CALN1: variants seen among roughly 807,000 people sequenced by gnomAD.
CALN1 encodes calneuron 1.
In CALN1, 17 loss-of-function variants were observed where a neutral mutation model predicts 30.6. The ratio of observed to expected loss-of-function variants is 0.56; its 90% CI spans 0.38 to 0.83. CALN1 has a LOEUF of 0.83. Among genes scored for constraint, CALN1 ranks in the 40% least tolerant of loss-of-function variants. The pLI is 0.00. For synonymous variants in CALN1, 156 were observed against 131.4 expected, an observed-to-expected ratio of 1.19 and a Z score of -1.28; for missense variants, 291 against 354.9, an observed-to-expected ratio of 0.82 and a Z score of 1.45.
At chr7:72,484,449 G>A in the CALN1 span, among the ~76,000 whole-genome samples, 6 of 152,138 alleles carry the variant, frequency 3.9e-5, no homozygotes, top group Non-Finnish European at 7.3e-5. Context: ...ATTCTGGCTG[G>A]TGGGAACAGG....
chr7:72,478,173 T>C, the CALN1 span, among the ~76,000 whole-genome samples: 3 of 151,604 alleles, frequency 2.0e-5, no homozygotes, highest in Non-Finnish European at 4.4e-5. Flanking sequence ...GGTTAGAAGT[T>C]CAGGACCAGT....
At chr7:72,113,021 C>T (rs766807457) in intron 3 of CALN1, among the ~76,000 whole-genome samples, 3 of 152,100 alleles carry the variant, frequency 2.0e-5, no homozygotes, top group Non-Finnish European at 2.9e-5. Context: ...ATTCTGGCTG[C>T]CCGGTGGGTG....
chr7:71,836,099 G>A (rs953411853), intron 5 of CALN1, among the ~76,000 whole-genome samples: 9 of 152,264 alleles, frequency 5.9e-5, no homozygotes, highest in Non-Finnish European at 1.2e-4. Flanking sequence ...CCTGGACCTA[G>A]AATGAATACA....
chr7:71,901,251 G>T (rs1341238324), intron 5 of CALN1, among the ~76,000 whole-genome samples: 1 of 152,012 alleles, frequency 6.6e-6, no homozygotes, highest in African/African-American at 2.4e-5. Context: ...ACTAATAAAA[G>T]AAATTTTAGA....
At chr7:71,997,326 GGACAGAT>G (rs1799305501) in intron 5 of CALN1, among the ~76,000 whole-genome samples, 1 of 151,988 alleles carries the variant, frequency 6.6e-6, no homozygotes, top group Admixed American at 6.6e-5. Context: ...GGAGAGTAGA[GGACAGAT>G]GACAGATGTC....
At chr7:72,405,934 G>C (rs774772416) in intron 1 of CALN1, among the ~76,000 whole-genome samples, 1 of 152,120 alleles carries the variant, frequency 6.6e-6, no homozygotes, top group South Asian at 2.1e-4. Context: ...GAGAACTGTC[G>C]GGAGCTGATG....
intron 3 of CALN1, among the ~76,000 whole-genome samples, chr7:72,239,410 T>G (rs952249780): frequency 2.0e-5 from 3 of 151,920 alleles, no homozygotes; most frequent in African/African-American, 4.8e-5. Context: ...AATAAATAAA[T>G]AAATAAATAA....
chr7:72,378,669 T>C (rs371741865), intron 2 of CALN1, among the ~76,000 whole-genome samples: 127 of 133,594 alleles, frequency 9.5e-4, no homozygotes, highest in African/African-American at 3.4e-3. Flanking sequence ...TGTTATAATT[T>C]TTATTTCCAT....
chr7:72,121,166 TTA>T (rs1260233447), intron 3 of CALN1, among the ~76,000 whole-genome samples: 1 of 144,740 alleles, frequency 6.9e-6, no homozygotes, highest in Non-Finnish European at 1.5e-5. Flanking sequence ...AAAATCTATA[TTA>T]TATATAATTA....
At chr7:72,071,585 G>A (rs768514029) in intron 4 of CALN1, among the ~76,000 whole-genome samples, 4 of 152,144 alleles carry the variant, frequency 2.6e-5, no homozygotes, top group Admixed American at 1.3e-4. Flanking sequence ...CAAACTGATC[G>A]TTGGCCCAAA....
chr7:72,009,952 T>G (rs957937530), intron 5 of CALN1, among the ~76,000 whole-genome samples: 3 of 152,214 alleles, frequency 2.0e-5, no homozygotes, highest in Non-Finnish European at 2.9e-5. Context: ...GAGGTTAATT[T>G]CCTAAAATCA....
At chr7:72,004,687 A>G (rs7781091) in intron 5 of CALN1, among the ~76,000 whole-genome samples, 20,743 of 147,024 alleles carry the variant, frequency 0.14, 2,097 homozygotes, top group East Asian at 0.37. Flanking sequence ...AAACTCAAGA[A>G]CAAAACAAAA....
At chr7:72,038,725 C>G (rs1801950725) in intron 4 of CALN1, among the ~76,000 whole-genome samples, 1 of 152,150 alleles carries the variant, frequency 6.6e-6, no homozygotes, top group Non-Finnish European at 1.5e-5. Context: ...AAGATGGCAA[C>G]GAGAGTGACC....
chr7:72,424,931 T>G (rs1409451171), intron 1 of CALN1, among the ~76,000 whole-genome samples: 1 of 152,056 alleles, frequency 6.6e-6, no homozygotes. Context: ...TTCACAGGAC[T>G]CACTCAAGCG....
chr7:72,356,897 A>G (rs1803265361), intron 2 of CALN1, among the ~76,000 whole-genome samples: 4 of 152,010 alleles, frequency 2.6e-5, no homozygotes, highest in Admixed American at 2.0e-4. Flanking sequence ...AGAGCAATAT[A>G]TTAGTGCTTG....
intron 5 of CALN1, among the ~76,000 whole-genome samples, chr7:71,925,657 C>G (rs1388150095): frequency 2.0e-5 from 3 of 152,006 alleles, no homozygotes; most frequent in Admixed American, 1.3e-4. Flanking sequence ...CATCAGTTAT[C>G]CATTTATTGC....
chr7:72,051,672 C>T (rs1312627866), intron 4 of CALN1, among the ~76,000 whole-genome samples: 1 of 152,166 alleles, frequency 6.6e-6, no homozygotes, highest in Non-Finnish European at 1.5e-5. Context: ...ACTGGAAAAT[C>T]TAATTTAAAA....
intron 2 of CALN1, among the ~76,000 whole-genome samples, chr7:72,322,557 C>A (rs542493744): frequency 4.7e-4 from 71 of 151,928 alleles, no homozygotes; most frequent in Non-Finnish European, 7.9e-4. Flanking sequence ...ATAAACCAGG[C>A]ACAGAAAGAC....
At chr7:72,485,700 G>A in the CALN1 span, among the ~76,000 whole-genome samples, 2 of 152,174 alleles carry the variant, frequency 1.3e-5, no homozygotes, top group South Asian at 2.1e-4. Context: ...GTGAAACCCC[G>A]TCTCTATTAA....
Sources: allele counts gnomAD v4.1 joint callset (sites outside exome capture counted in the v4.1 genomes callset), GRCh38; gene constraint gnomAD v4.1.1; transcripts MANE v1.5; gene names NCBI Gene and HGNC (gene_info 2026-07-23, HGNC 2026-07-21).